GPC5: variants seen among roughly 807,000 people sequenced by gnomAD.
GPC5 encodes the protein glypican 5.
GPC5 carries 47 observed loss-of-function variants against 53.9 expected under a neutral mutation model. The ratio of observed to expected loss-of-function variants is 0.87; its 90% CI spans 0.69 to 1.11. GPC5 has a LOEUF of 1.11. Ranked by LOEUF, GPC5 falls within the 50% of genes most tolerant of loss-of-function variation. GPC5 has a pLI of 0.00. For synonymous variants in GPC5, 286 were observed against 263.3 expected (o/e 1.09, Z -0.84); for missense variants, 748 against 713.1 (o/e 1.05, Z -0.56).
intron 7 of GPC5, among the ~76,000 whole-genome samples, chr13:92,444,715 TAAAAAA>T (rs71910602): frequency 1.0e-3 from 85 of 84,198 alleles, no homozygotes; most frequent in African/African-American, 3.2e-3. Context: ...TCCTGAAATC[TAAAAAA>T]AAAAAAAAAA....
At chr13:92,602,995 G>A (rs546152310) in intron 7 of GPC5, among the ~76,000 whole-genome samples, 7 of 152,312 alleles carry the variant, frequency 4.6e-5, no homozygotes, top group African/African-American at 1.4e-4. Context: ...AGTTGGGATA[G>A]CATGTGCAAA....
At chr13:92,780,996 T>G (rs896316913) in intron 7 of GPC5, among the ~76,000 whole-genome samples, 1 of 152,066 alleles carries the variant, frequency 6.6e-6, no homozygotes, top group Non-Finnish European at 1.5e-5. Flanking sequence ...CTATGGCTAT[T>G]TAAAATAAAT....
chr13:92,461,105 AAAAT>A (rs1168586689), intron 7 of GPC5, among the ~76,000 whole-genome samples: 1 of 152,184 alleles, frequency 6.6e-6, no homozygotes, highest in Non-Finnish European at 1.5e-5. Context: ...AGGAGAATAA[AAAAT>A]AAATCCTGTA....
chr13:92,061,055 A>G (rs2041118932), intron 6 of GPC5, among the ~76,000 whole-genome samples: 1 of 151,250 alleles, frequency 6.6e-6, no homozygotes, highest in Non-Finnish European at 1.5e-5. Flanking sequence ...GATTTGGAGT[A>G]TGGTGGTTTG....
At chr13:92,611,649 G>T (rs1884440877) in intron 7 of GPC5, among the ~76,000 whole-genome samples, 1 of 151,992 alleles carries the variant, frequency 6.6e-6, no homozygotes, top group African/African-American at 2.4e-5. Flanking sequence ...TTAATGCTCA[G>T]GACTATGTCC....
intron 7 of GPC5, among the ~76,000 whole-genome samples, chr13:92,428,927 A>G (rs1301198598): frequency 1.3e-5 from 2 of 152,124 alleles, no homozygotes; most frequent in Non-Finnish European, 2.9e-5. Flanking sequence ...GTAAAAGCTT[A>G]CTATATAATA....
intron 7 of GPC5, among the ~76,000 whole-genome samples, chr13:92,775,051 A>G (rs1875751584): frequency 6.6e-6 from 1 of 152,222 alleles, no homozygotes; most frequent in Non-Finnish European, 1.5e-5. Context: ...ATGAGATACC[A>G]GGCAATTTAC....
chr13:92,585,293 C>G (rs916545840), intron 7 of GPC5, among the ~76,000 whole-genome samples: 1 of 152,160 alleles, frequency 6.6e-6, no homozygotes, highest in Non-Finnish European at 1.5e-5. Context: ...ACCATGGGAA[C>G]CCACATCTTG....
At chr13:92,421,427 C>T (rs907889732) in intron 7 of GPC5, among the ~76,000 whole-genome samples, 2 of 152,042 alleles carry the variant, frequency 1.3e-5, no homozygotes, top group Non-Finnish European at 2.9e-5. Flanking sequence ...TGGCCGGGCG[C>T]GGTGGCTCAC....
chr13:92,180,648 A>G (rs2042140047), intron 7 of GPC5: 1 of 155,946 alleles, frequency 6.4e-6, no homozygotes, highest in Non-Finnish European at 1.4e-5. Flanking sequence ...CCGTATGGAG[A>G]TTTTCTCATT....
chr13:91,542,726 C>T (rs2030020644), intron 2 of GPC5, among the ~76,000 whole-genome samples: 1 of 152,004 alleles, frequency 6.6e-6, no homozygotes, highest in Non-Finnish European at 1.5e-5. Flanking sequence ...TCTTATTGCC[C>T]AGGCTAACAC....
chr13:91,515,079 T>C (rs532322174), intron 2 of GPC5, among the ~76,000 whole-genome samples: 2 of 152,364 alleles, frequency 1.3e-5, no homozygotes, highest in East Asian at 3.9e-4. Flanking sequence ...TAGGGGCTAC[T>C]GTATTGGACA....
intron 7 of GPC5, among the ~76,000 whole-genome samples, chr13:92,662,974 A>G (rs1886400301): frequency 6.6e-6 from 1 of 152,216 alleles, no homozygotes; most frequent in Admixed American, 6.5e-5. Context: ...TGGAAAATCC[A>G]AAGAAAACCA....
intron 6 of GPC5, 54 bp downstream of exon 6, chr13:91,908,111 T>C (rs2039574804): frequency 7.7e-7 from 1 of 1,300,044 alleles, no homozygotes; most frequent in Admixed American, 2.7e-5. Context: ...AATAAGTGGT[T>C]ACTTTCTGTT....
At chr13:92,397,256 T>C (rs1241466702) in intron 7 of GPC5, among the ~76,000 whole-genome samples, 1 of 151,218 alleles carries the variant, frequency 6.6e-6, no homozygotes, top group Admixed American at 6.6e-5. Context: ...TGGGAGATAA[T>C]TGAATCATGG....
chr13:92,529,745 T>A (rs1881487305), intron 7 of GPC5, among the ~76,000 whole-genome samples: 1 of 152,160 alleles, frequency 6.6e-6, no homozygotes, highest in Non-Finnish European at 1.5e-5. Flanking sequence ...AAAATTATGA[T>A]CACACCATAG....
chr13:92,654,369 T>C (rs1886058241), intron 7 of GPC5, among the ~76,000 whole-genome samples: 2 of 152,212 alleles, frequency 1.3e-5, no homozygotes, highest in Non-Finnish European at 2.9e-5. Flanking sequence ...GAGTCCTTAT[T>C]CACAAATTGT....
At chr13:92,412,471 T>C (rs2139351131) in intron 7 of GPC5, among the ~76,000 whole-genome samples, 1 of 152,302 alleles carries the variant, frequency 6.6e-6, no homozygotes, top group East Asian at 1.9e-4. Flanking sequence ...GCCACTGGTG[T>C]CTATATGGCA....
At chr13:92,370,734 AAG>A (rs1418826273) in intron 7 of GPC5, among the ~76,000 whole-genome samples, 1 of 152,186 alleles carries the variant, frequency 6.6e-6, no homozygotes, top group Non-Finnish European at 1.5e-5. Flanking sequence ...CTTTACCCAA[AAG>A]AGTTTAATTT....
Sources: allele counts gnomAD v4.1 joint callset (sites outside exome capture counted in the v4.1 genomes callset), GRCh38; gene constraint gnomAD v4.1.1; transcripts MANE v1.5; gene names NCBI Gene and HGNC (gene_info 2026-07-23, HGNC 2026-07-21).